Variants in SORCS2 observed in about 807,000 individuals in gnomAD.
SORCS2 encodes the protein sortilin related VPS10 domain containing receptor 2, also known as VPS10 domain-containing receptor SorCS2.
A neutral mutation model predicts 141.6 loss-of-function variants in SORCS2; 100 were observed. That is an observed-to-expected ratio of 0.71 (90% CI 0.60 to 0.83). The LOEUF is 0.83. Ranked by LOEUF, SORCS2 falls within the 40% of genes least tolerant of loss-of-function variation. SORCS2 has a pLI of 0.00. For missense variants in SORCS2, 1,646 were observed against 1,560.2 expected (o/e 1.05, Z -0.93); for synonymous variants, 789 against 676.9 (o/e 1.17, Z -2.57).
intron 2 of SORCS2, among the ~76,000 whole-genome samples, chr4:7,454,163 T>C (rs1728696070): frequency 7.4e-6 from 1 of 135,778 alleles, no homozygotes. Flanking sequence ...TCAGGTGCTG[T>C]GTGTTGGGGT....
At chr4:7,554,076 C>T (rs902053352) in intron 3 of SORCS2, among the ~76,000 whole-genome samples, 4 of 145,732 alleles carry the variant, frequency 2.7e-5, no homozygotes, top group South Asian at 2.4e-4. Context: ...GTTCATGAAA[C>T]GAGGGAACAA....
chr4:7,234,855 G>A (rs1023590862), intron 1 of SORCS2, among the ~76,000 whole-genome samples: 34 of 152,366 alleles, frequency 2.2e-4, no homozygotes, highest in African/African-American at 7.2e-4. Context: ...GCCTGTCCAC[G>A]GCTGCTGCAG....
intron 3 of SORCS2, among the ~76,000 whole-genome samples, chr4:7,538,587 T>TCACACACA (rs34526550): frequency 0.015 from 2,296 of 150,684 alleles, 66 homozygotes; most frequent in African/African-American, 0.053. Flanking sequence ...AATATTAAAA[T>TCACACACA]CACACACACA....
intron 25 of SORCS2, among the ~76,000 whole-genome samples, chr4:7,734,726 G>A (rs1712022439): frequency 1.3e-5 from 2 of 152,336 alleles, no homozygotes; most frequent in Admixed American, 6.5e-5. Context: ...GTTAAGCAGT[G>A]TGCCCAAGGT....
In SORCS2 at chr4:7,741,345, G is replaced by C. The variant is rs2148911564; in HGVS notation, c.*1081G>C. On this transcript the variant is annotated 3_prime_UTR_variant, in exon 27 of 27. Coordinates refer to ENST00000507866, the MANE Select transcript of SORCS2 (RefSeq NM_020777.3). The stretch of plus-strand genomic sequence containing the variant: ...AAGGTCACAGCACGGTCACAGCAGA[G>C]GTGGCCGAACCCAGCCCTCTGCGCG... 5.0e-6 allele frequency: 2 copies of C among 398,722 alleles called. No individual in the cohort carries two copies. The highest frequency in any genetic ancestry group is 7.1e-5 in the East Asian group (2 of 28,026). 24.7% of individuals were successfully genotyped at this position (398,722 alleles called of 1,614,324 possible).
At chr4:7,262,768 A>T (rs1471449648) in intron 1 of SORCS2, among the ~76,000 whole-genome samples, 2 of 151,818 alleles carry the variant, frequency 1.3e-5, no homozygotes, top group African/African-American at 4.8e-5. Context: ...CTCAGCAGGG[A>T]CTCCCTTTCC....
chr4:7,581,930 A>G (rs1162234265), intron 3 of SORCS2, among the ~76,000 whole-genome samples: 1 of 152,154 alleles, frequency 6.6e-6, no homozygotes, highest in Non-Finnish European at 1.5e-5. Context: ...CTTTTTCTAT[A>G]TATCTTTATT....
chr4:7,563,588 C>T (rs553451855), intron 3 of SORCS2, among the ~76,000 whole-genome samples: 1 of 152,260 alleles, frequency 6.6e-6, no homozygotes, highest in South Asian at 2.1e-4. Context: ...GGGAATCTGA[C>T]CCAGCTCCCT....
chr4:7,607,402 C>T (rs889517966), intron 3 of SORCS2, among the ~76,000 whole-genome samples: 9 of 152,058 alleles, frequency 5.9e-5, no homozygotes, highest in African/African-American at 1.4e-4. Flanking sequence ...CAGCCTGCCC[C>T]GCCACCTTCC....
chr4:7,273,784 C>T (rs1288705391), intron 1 of SORCS2, among the ~76,000 whole-genome samples: 8 of 152,198 alleles, frequency 5.3e-5, no homozygotes, highest in African/African-American at 1.7e-4. Flanking sequence ...AGCTCTGTGG[C>T]GTTGAACCTC....
At chr4:7,572,582 G>A (rs1053492206) in intron 3 of SORCS2, among the ~76,000 whole-genome samples, 2 of 152,140 alleles carry the variant, frequency 1.3e-5, no homozygotes, top group African/African-American at 2.4e-5. Context: ...CTTGATGCTC[G>A]TGGCCTTCAA....
intron 1 of SORCS2, among the ~76,000 whole-genome samples, chr4:7,379,890 T>C (rs1028242385): frequency 4.6e-5 from 7 of 152,190 alleles, no homozygotes; most frequent in Non-Finnish European, 1.0e-4. Context: ...TAAAATACTT[T>C]TCTTAAAATA....
intron 2 of SORCS2, among the ~76,000 whole-genome samples, chr4:7,471,718 C>T (rs1339375908): frequency 1.3e-5 from 2 of 152,218 alleles, no homozygotes; most frequent in Non-Finnish European, 2.9e-5. Context: ...GGAAGAGGGA[C>T]CCTCGGTGCT....
chr4:7,658,351 A>G lies in SORCS2; in HGVS notation c.888-3149A>G, dbSNP rs181632923. Reference sequence around the variant, plus strand: ...AGTGGGTGAATGAATGAGTGAGGGCAGAGGGAGCCTGTGCCCCAGGTGTCA... The same window carrying G: ...AGTGGGTGAATGAATGAGTGAGGGCGGAGGGAGCCTGTGCCCCAGGTGTCA... On this transcript the variant is annotated intron_variant, in intron 5 of 26. Transcript: ENST00000507866. Among the ~76,000 whole-genome samples, 444 of 150,682 alleles carry G rather than the reference A, an allele frequency of 2.9e-3. 3 individuals carry two copies. Among genetic ancestry groups the G allele is most frequent in the African/African-American group, 9.4e-3 (388 of 41,452 alleles).
chr4:7,240,507 T>C (rs929896285), intron 1 of SORCS2, among the ~76,000 whole-genome samples: 1 of 152,152 alleles, frequency 6.6e-6, no homozygotes, highest in Non-Finnish European at 1.5e-5. Context: ...CTTCCTCTGA[T>C]TCTGCCGAAC....
At chr4:7,654,947 CA>C (rs1721665460) in intron 5 of SORCS2, among the ~76,000 whole-genome samples, 1 of 152,182 alleles carries the variant, frequency 6.6e-6, no homozygotes, top group Non-Finnish European at 1.5e-5. Flanking sequence ...CTGAGCACCC[CA>C]GCCTCACTGC....
At chr4:7,278,012 C>T (rs1315882813) in intron 1 of SORCS2, among the ~76,000 whole-genome samples, 1 of 152,148 alleles carries the variant, frequency 6.6e-6, no homozygotes, top group Non-Finnish European at 1.5e-5. Context: ...GGTAGTGGGC[C>T]TGATCATTAT....
At chr4:7,389,671 C>G (rs1723733325) in intron 1 of SORCS2, among the ~76,000 whole-genome samples, 1 of 152,122 alleles carries the variant, frequency 6.6e-6, no homozygotes, top group Non-Finnish European at 1.5e-5. Flanking sequence ...TCAGGGAAGG[C>G]TTCTAGGAGG....
chr4:7,417,541 G>A lies in SORCS2; in HGVS notation c.548+21186G>A, dbSNP rs539801613. ...GCTCTGCCATTTATGAGTGACCTTG[G>A]GCAAGTCTTCTGCTGTTTCTAATCC... is the stretch of plus-strand genomic sequence containing the variant. On this transcript the variant is annotated intron_variant, in intron 2 of 26. Transcript: ENST00000507866. Among the ~76,000 whole-genome samples the A allele has an allele frequency of 1.4e-4, 22 of 152,268 alleles. No homozygotes were observed. The East Asian group carries it at 3.9e-3, about 27-fold the overall frequency.
Sources: allele counts gnomAD v4.1 joint callset (sites outside exome capture counted in the v4.1 genomes callset), GRCh38; gene constraint gnomAD v4.1.1; transcripts MANE v1.5; gene names NCBI Gene and HGNC (gene_info 2026-07-23, HGNC 2026-07-21).